CADM2: variants seen among roughly 807,000 people sequenced by gnomAD.
CADM2 encodes the protein immunoglobulin superfamily member 4D.
CADM2 carries 12 observed loss-of-function variants against 49.8 expected under a neutral mutation model. The observed-to-expected ratio is 0.24, with a 90% confidence interval of 0.15 to 0.39. CADM2 has a LOEUF of 0.39. Among genes scored for constraint, CADM2 ranks in the 10% least tolerant of loss-of-function variants. The pLI is 1.00. For synonymous variants in CADM2, 214 were observed against 175.4 expected, an observed-to-expected ratio of 1.22 and a Z score of -1.74; for missense variants, 378 against 492.3, an observed-to-expected ratio of 0.77 and a Z score of 2.20.
intron 1 of CADM2, among the ~76,000 whole-genome samples, chr3:85,290,497 A>G (rs1302676641): frequency 6.6e-6 from 1 of 152,190 alleles, no homozygotes; most frequent in Non-Finnish European, 1.5e-5. Flanking sequence ...GGAACAGACA[A>G]ACAAAAAGAC....
intron 1 of CADM2, among the ~76,000 whole-genome samples, chr3:85,118,749 T>C (rs528122730): frequency 2.0e-5 from 3 of 152,246 alleles, no homozygotes; most frequent in African/African-American, 7.2e-5. Context: ...TTATATTTAT[T>C]TATTTACTTA....
chr3:85,067,110 C>A (rs1374804971), intron 1 of CADM2, among the ~76,000 whole-genome samples: 1 of 152,054 alleles, frequency 6.6e-6, no homozygotes, highest in African/African-American at 2.4e-5. Context: ...ATGTTGTACT[C>A]TACTGGCTTA....
Position 85,516,083 on chromosome 3 carries a change from A to T in CADM2, c.62-210439A>T, listed in dbSNP as rs182287630. Among the ~76,000 whole-genome samples the T allele has an allele frequency of 3.3e-4, 50 of 152,294 alleles. No individual in the cohort carries two copies. In the East Asian group the frequency reaches 8.5e-3, roughly 26 times the overall value. ...AATGTGCACTTAGAAGAAAATGTTA[A>T]TAATATTCATGATCATTTCAGTTTC... On this transcript the variant is annotated intron_variant, in intron 1 of 9. Transcript: ENST00000383699.
chr3:84,962,632 A>G (rs1007441495), intron 1 of CADM2, among the ~76,000 whole-genome samples: 3 of 152,148 alleles, frequency 2.0e-5, no homozygotes, highest in East Asian at 3.9e-4. Flanking sequence ...GATTTTGGCT[A>G]GAGGGAGTCT....
At chr3:85,555,609 A>G (rs1455372767) in intron 1 of CADM2, among the ~76,000 whole-genome samples, 1 of 152,076 alleles carries the variant, frequency 6.6e-6, no homozygotes, top group East Asian at 1.9e-4. Flanking sequence ...CCTAAATTAT[A>G]CTTTTGAATT....
chr3:85,806,709 T>C (rs576333543), intron 3 of CADM2, among the ~76,000 whole-genome samples: 8 of 152,200 alleles, frequency 5.3e-5, no homozygotes, highest in Non-Finnish European at 1.0e-4. Context: ...CACTCCAGCC[T>C]GGGTGATAGA....
In CADM2 at chr3:85,734,699, A is replaced by C. The variant is rs186777900; in HGVS notation, c.88+8151A>C. 4.7e-3 allele frequency among the ~76,000 whole-genome samples: 697 copies of C among 147,458 alleles called. 10 individuals are homozygous for C. Among genetic ancestry groups the C allele is most frequent in the African/African-American group, 0.016 (654 of 40,698 alleles). ...TGTATATTTTAAATATAATATATAT[A>C]TTTTAAATATAATGTGTATATCTTT... On this transcript the variant is annotated intron_variant, in intron 2 of 9. Transcript: ENST00000383699.
intron 1 of CADM2, among the ~76,000 whole-genome samples, chr3:85,519,940 A>G (rs189153701): frequency 3.3e-5 from 5 of 152,106 alleles, no homozygotes; most frequent in Admixed American, 6.6e-5. Flanking sequence ...TCCACTGAGT[A>G]AAAAGTGTGA....
intron 1 of CADM2, among the ~76,000 whole-genome samples, chr3:85,713,338 G>A (rs2067177229): frequency 6.6e-6 from 1 of 152,012 alleles, no homozygotes; most frequent in South Asian, 2.1e-4. Context: ...TAGTACAGAC[G>A]GGGTTTCGTC....
At position 85,201,725 on chromosome 3, in the gene CADM2, C is replaced by T. The variant is rs149719491; in HGVS notation, c.61+242057C>T. On this transcript the variant is annotated intron_variant, in intron 1 of 9. Transcript: ENST00000383699. The stretch of plus-strand genomic sequence containing the variant: ...ATTTTGTTGTCATTTCAACAAGGTT[C>T]ACAGCATCTCCATCTGGAAAAGTTT... Among the ~76,000 whole-genome samples, 820 of 152,252 alleles carry T rather than the reference C, an allele frequency of 5.4e-3. 5 individuals carry two copies. Among genetic ancestry groups the T allele is most frequent in the African/African-American group, 0.019 (779 of 41,548 alleles).
At chr3:86,011,879 A>G (rs1296534795) in intron 8 of CADM2, among the ~76,000 whole-genome samples, 6 of 152,290 alleles carry the variant, frequency 3.9e-5, no homozygotes, top group African/African-American at 1.4e-4. Flanking sequence ...AAGAAAAAAT[A>G]TATAAAAAAC....
chr3:85,779,404 A>T (rs1346959237), intron 2 of CADM2, among the ~76,000 whole-genome samples: 1 of 152,114 alleles, frequency 6.6e-6, no homozygotes, highest in Admixed American at 6.6e-5. Context: ...GCATGAGACT[A>T]TGTCATTTAT....
At chr3:85,420,874 AT>A (rs759625289) in intron 1 of CADM2, among the ~76,000 whole-genome samples, 18 of 151,194 alleles carry the variant, frequency 1.2e-4, no homozygotes, top group African/African-American at 2.4e-4. Flanking sequence ...TTTGTGTTTC[AT>A]TTTTTTTTAA....
intron 8 of CADM2, among the ~76,000 whole-genome samples, chr3:86,007,550 T>C (rs1730947639): frequency 6.6e-6 from 1 of 152,198 alleles, no homozygotes; most frequent in Non-Finnish European, 1.5e-5. Context: ...TGCAATAGCC[T>C]GTGAGGTACT....
intron 1 of CADM2, among the ~76,000 whole-genome samples, chr3:85,261,603 T>C (rs1052885796): frequency 6.6e-6 from 1 of 152,170 alleles, no homozygotes; most frequent in African/African-American, 2.4e-5. Flanking sequence ...ATTTTTATTT[T>C]CTATAAGATA....
intron 3 of CADM2, among the ~76,000 whole-genome samples, chr3:85,877,220 T>C (rs971989995): frequency 6.6e-6 from 1 of 152,172 alleles, no homozygotes; most frequent in African/African-American, 2.4e-5. Flanking sequence ...GATATGTGAA[T>C]AACACCCTTT....
intron 1 of CADM2, among the ~76,000 whole-genome samples, chr3:85,065,216 T>C (rs761543517): frequency 6.6e-6 from 1 of 152,096 alleles, no homozygotes; most frequent in Non-Finnish European, 1.5e-5. Context: ...GCATTTAGTT[T>C]AGCTATTTTA....
At chr3:85,541,315 AAC>A (rs965914650) in intron 1 of CADM2, among the ~76,000 whole-genome samples, 9 of 151,864 alleles carry the variant, frequency 5.9e-5, no homozygotes, top group Admixed American at 1.3e-4. Context: ...TCTGTACACA[AAC>A]ACATATGCAT....
chr3:85,857,726 A>G (rs2075370385), intron 3 of CADM2, among the ~76,000 whole-genome samples: 1 of 152,234 alleles, frequency 6.6e-6, no homozygotes, highest in African/African-American at 2.4e-5. Flanking sequence ...CCACAAACTT[A>G]GATCTTAGCA....
Sources: allele counts gnomAD v4.1 joint callset (sites outside exome capture counted in the v4.1 genomes callset), GRCh38; gene constraint gnomAD v4.1.1; transcripts MANE v1.5; gene names NCBI Gene and HGNC (gene_info 2026-07-23, HGNC 2026-07-21).